CHD6: variants seen among roughly 807,000 people sequenced by gnomAD.
CHD6 encodes chromodomain helicase DNA binding protein 6.
CHD6 carries 50 observed loss-of-function variants against 276.9 expected under a neutral mutation model. That is an observed-to-expected ratio of 0.18 (90% CI 0.14 to 0.23). The LOEUF is 0.23. Among genes scored for constraint, CHD6 ranks in the 10% least tolerant of loss-of-function variants. The pLI, the probability that CHD6 is intolerant of heterozygous loss-of-function variation, is 1.00. For synonymous variants in CHD6, 1,173 were observed against 1,229.3 expected (o/e 0.95, Z 0.96); for missense variants, 2,564 against 3,365.8 (o/e 0.76, Z 5.89).
At chr20:41,478,460 G>C (rs562419244) in intron 16 of CHD6, among the ~76,000 whole-genome samples, 7 of 152,190 alleles carry the variant, frequency 4.6e-5, no homozygotes, top group Non-Finnish European at 8.8e-5. Context: ...CAGCCAGAGG[G>C]GAGGCCACAA....
intron 1 of CHD6, among the ~76,000 whole-genome samples, chr20:41,562,407 T>C (rs1166671128): frequency 6.6e-6 from 1 of 152,180 alleles, no homozygotes; most frequent in Non-Finnish European, 1.5e-5. Flanking sequence ...TCTGTAACAG[T>C]TTTAAGGATT....
intron 16 of CHD6, among the ~76,000 whole-genome samples, chr20:41,482,770 T>C (rs1374112082): frequency 6.6e-6 from 1 of 152,194 alleles, no homozygotes; most frequent in Non-Finnish European, 1.5e-5. Context: ...GAATGTAACT[T>C]AGATTCAAGG....
chr20:41,457,505 T>C (rs2048412994), intron 17 of CHD6, 77 bp from the exon 18 acceptor site: 9 of 1,505,662 alleles, frequency 6.0e-6, no homozygotes, highest in Non-Finnish European at 8.1e-6. Context: ...GGGGAGTGCT[T>C]AAATGTCATG....
chr20:41,532,974 G>A (rs2044725590), intron 3 of CHD6, 76 bp downstream of exon 3: 1 of 1,480,676 alleles, frequency 6.8e-7, no homozygotes, highest in South Asian at 1.4e-5. Context: ...ATGCCTAGGG[G>A]CTTGGGCTAA....
Position 41,515,095 on chromosome 20 carries a change from G to T in CHD6, c.555-143C>A, listed in dbSNP as rs1186208954. The stretch of plus-strand genomic sequence containing the variant: ...GGGAATCTACAAGAGTTTCTTCCAA[G>T]AAATAAACAGAAACATGGAAATATC... On this transcript the variant is annotated intron_variant, in intron 3 of 36. Coordinates refer to ENST00000373233, the MANE Select transcript of CHD6 (RefSeq NM_032221.5). 1.5e-5 allele frequency: 12 copies of T among 792,252 alleles called. No homozygotes were observed. The African/African-American group carries it at 1.9e-4, about 13-fold the overall frequency. 49.1% of individuals were successfully genotyped at this position (792,252 alleles called of 1,614,324 possible).
chr20:41,404,794 A>C lies in CHD6; in HGVS notation c.7947T>G (p.Gly2649=). ...TCTTCTTCCTCTTCTGGCTCTCCAG[A>C]CCTACTATTTCCGAGTGTCTGGCCT... ...MQQARHSEIV[G]LESQKRKKKK... Residue 2649 remains glycine, a synonymous_variant, in exon 37 of 37, where the codon GGT becomes GGG. Transcript: ENST00000373233. The C allele has an allele frequency of 6.2e-7, 1 of 1,612,740 alleles. No homozygotes were observed. The highest frequency in any genetic ancestry group is 8.5e-7 in the Non-Finnish European group (1 of 1,179,328).
At chr20:41,416,438 A>G in intron 33 of CHD6, 150 bp downstream of exon 33, 1 of 657,788 alleles carries the variant, frequency 1.5e-6, no homozygotes, top group Non-Finnish European at 2.6e-6. Context: ...ATACAGGATA[A>G]AGTCTAAATT....
At chr20:41,408,078 A>C (rs2046733217) in intron 36 of CHD6, among the ~76,000 whole-genome samples, 1 of 151,248 alleles carries the variant, frequency 6.6e-6, no homozygotes, top group Non-Finnish European at 1.5e-5. Context: ...ATAAAAAATA[A>C]AAAAAAAACC....
At chr20:41,559,254 G>A (rs2045275504) in intron 1 of CHD6, among the ~76,000 whole-genome samples, 1 of 151,942 alleles carries the variant, frequency 6.6e-6, no homozygotes, top group Admixed American at 6.6e-5. Context: ...TGTGCAATAA[G>A]CATTCTTTGA....
chr20:41,510,938 CTAAG>C (rs920460409), intron 5 of CHD6, among the ~76,000 whole-genome samples: 11 of 152,274 alleles, frequency 7.2e-5, no homozygotes, highest in African/African-American at 1.2e-4. Context: ...ATTATTCCTA[CTAAG>C]TGTTATATTC....
intron 3 of CHD6, among the ~76,000 whole-genome samples, chr20:41,526,428 T>C (rs909346904): frequency 6.6e-5 from 10 of 152,244 alleles, no homozygotes; most frequent in African/African-American, 9.6e-5. Flanking sequence ...AGATAGCTGA[T>C]TGACCTTCAA....
intron 20 of CHD6, among the ~76,000 whole-genome samples, chr20:41,453,390 T>C (rs2048299235): frequency 6.9e-6 from 1 of 145,660 alleles, no homozygotes; most frequent in African/African-American, 2.4e-5. Flanking sequence ...CGCATATTCC[T>C]GCTTTATTTA....
intron 3 of CHD6, among the ~76,000 whole-genome samples, chr20:41,530,106 T>A (rs1481254423): frequency 6.6e-6 from 1 of 152,024 alleles, no homozygotes; most frequent in African/African-American, 2.4e-5. Context: ...GCAGATAAAC[T>A]CAAGTGAGAG....
chr20:41,402,798 T>C lies in CHD6; in HGVS notation c.*1795A>G, dbSNP rs2046569139. 1 of 210,518 alleles carries C rather than the reference T, an allele frequency of 4.8e-6. No individual in the cohort carries two copies. Among genetic ancestry groups the C allele is most frequent in the Non-Finnish European group, 9.6e-6 (1 of 103,648 alleles). The allele number at this position is 210,518 out of a possible 1,614,324, so 13.0% of individuals were successfully genotyped here. A position where few individuals can be genotyped will look rare whatever the true frequency, so the allele number is the denominator to read the frequency against. On this transcript the variant is annotated 3_prime_UTR_variant, in exon 37 of 37. Transcript: ENST00000373233. ...CCACTGGAGGCAAAACTGAACAAAA[T>C]GTTAGTTAAATAGAGAGAGCAGCAT...
intron 1 of CHD6, among the ~76,000 whole-genome samples, chr20:41,599,446 C>A (rs144893097): frequency 6.6e-6 from 1 of 152,102 alleles, no homozygotes; most frequent in Non-Finnish European, 1.5e-5. Context: ...ATCTTTACCC[C>A]CCTTGCAATT....
intron 1 of CHD6, among the ~76,000 whole-genome samples, chr20:41,604,443 T>C (rs1040887887): frequency 6.6e-6 from 1 of 152,200 alleles, no homozygotes; most frequent in African/African-American, 2.4e-5. Context: ...TGACTGGTCA[T>C]GAAAATCAGT....
At chr20:41,407,081 C>T (rs952800606) in intron 36 of CHD6, among the ~76,000 whole-genome samples, 49 of 152,162 alleles carry the variant, frequency 3.2e-4, no homozygotes, top group African/African-American at 1.2e-3. Flanking sequence ...CCATCAAGGC[C>T]GGAATGCGCA....
chr20:41,571,915 C>G (rs758266609), intron 1 of CHD6, among the ~76,000 whole-genome samples: 2 of 152,170 alleles, frequency 1.3e-5, no homozygotes, highest in African/African-American at 2.4e-5. Context: ...CACTACAAAT[C>G]CATACTCCTT....
At chr20:41,559,395 C>G (rs2146179480) in intron 1 of CHD6, among the ~76,000 whole-genome samples, 1 of 152,334 alleles carries the variant, frequency 6.6e-6, no homozygotes, top group East Asian at 1.9e-4. Context: ...CCTCTACACA[C>G]CTGAAAGTTC....
Sources: allele counts gnomAD v4.1 joint callset (sites outside exome capture counted in the v4.1 genomes callset), GRCh38; gene constraint gnomAD v4.1.1; transcripts MANE v1.5; gene names NCBI Gene and HGNC (gene_info 2026-07-23, HGNC 2026-07-21).